GPC5: variants seen among roughly 807,000 people sequenced by gnomAD.
GPC5 encodes the protein glypican-5.
In GPC5, 47 loss-of-function variants were observed where a neutral mutation model predicts 53.9. The observed-to-expected ratio is 0.87, with a 90% CI of 0.69 to 1.11. The LOEUF (loss-of-function observed/expected upper bound fraction) is 1.11. Among genes scored for constraint, GPC5 ranks in the 50% most tolerant of loss-of-function variants. GPC5 has a pLI of 0.00. For missense variants in GPC5, 748 were observed against 713.1 expected (o/e 1.05, Z -0.56); for synonymous variants, 286 against 263.3 (o/e 1.09, Z -0.84).
intron 2 of GPC5, among the ~76,000 whole-genome samples, chr13:91,555,881 C>T (rs983129793): frequency 6.6e-6 from 1 of 152,018 alleles, no homozygotes; most frequent in African/African-American, 2.4e-5. Context: ...ATGGGGGAAA[C>T]CGCCCCCGTG....
intron 6 of GPC5, among the ~76,000 whole-genome samples, chr13:91,926,138 G>A (rs2039765089): frequency 6.6e-6 from 1 of 151,962 alleles, no homozygotes; most frequent in African/African-American, 2.4e-5. Context: ...GAGGCAGGCG[G>A]ATCACGAGGT....
rs74105030 is a variant in GPC5, at chr13:91,514,039, A to G, written c.325+65117A>G. 6.5e-3 allele frequency among the ~76,000 whole-genome samples: 995 copies of G among 152,288 alleles called. 10 individuals carry two copies. The highest frequency in any genetic ancestry group is 0.023 in the African/African-American group (965 of 41,564). On this transcript the variant is annotated intron_variant, in intron 2 of 7. Transcript: ENST00000377067. ...TAGATACATCACTTTTCGTTTAACCATTCACCTGTAAAAAGCCATCTGGGT... is the reference window on the plus strand; with the variant it reads ...TAGATACATCACTTTTCGTTTAACCGTTCACCTGTAAAAAGCCATCTGGGT...
At chr13:91,678,405 T>C (rs999088292) in intron 2 of GPC5, among the ~76,000 whole-genome samples, 2 of 152,188 alleles carry the variant, frequency 1.3e-5, no homozygotes, top group African/African-American at 4.8e-5. Context: ...ATTTTTGTGT[T>C]GCCTAATGAA....
At chr13:92,563,948 T>C (rs1311792866) in intron 7 of GPC5, among the ~76,000 whole-genome samples, 2 of 151,724 alleles carry the variant, frequency 1.3e-5, no homozygotes, top group African/African-American at 2.4e-5. Flanking sequence ...ATCCATTAAT[T>C]ACTCATCAAC....
intron 5 of GPC5, among the ~76,000 whole-genome samples, chr13:91,835,708 G>A (rs552877435): frequency 1.3e-5 from 2 of 152,014 alleles, no homozygotes; most frequent in Non-Finnish European, 1.5e-5. Context: ...CACAGGGAGG[G>A]GAACATCATA....
At chr13:92,528,474 A>G (rs1347790739) in intron 7 of GPC5, among the ~76,000 whole-genome samples, 1 of 152,008 alleles carries the variant, frequency 6.6e-6, no homozygotes, top group East Asian at 1.9e-4. Flanking sequence ...TTTTTTTATT[A>G]TGGGATACAA....
intron 2 of GPC5, among the ~76,000 whole-genome samples, chr13:91,591,897 G>A (rs2032814025): frequency 6.6e-6 from 1 of 152,172 alleles, no homozygotes; most frequent in Non-Finnish European, 1.5e-5. Flanking sequence ...GAATCTTTAT[G>A]AGCTTCCTTG....
At chr13:92,769,030 TTTC>T (rs1316010843) in intron 7 of GPC5, among the ~76,000 whole-genome samples, 2 of 152,200 alleles carry the variant, frequency 1.3e-5, no homozygotes, top group Non-Finnish European at 1.5e-5. Context: ...TCATAAAATC[TTTC>T]TTCTTACAGA....
At chr13:91,856,215 A>T (rs1233937264) in intron 5 of GPC5, among the ~76,000 whole-genome samples, 1 of 151,492 alleles carries the variant, frequency 6.6e-6, no homozygotes, top group Non-Finnish European at 1.5e-5. Context: ...ATTTAAAAAA[A>T]CATATTTTTC....
chr13:92,380,263 T>G (rs1220598026), intron 7 of GPC5, among the ~76,000 whole-genome samples: 3 of 152,142 alleles, frequency 2.0e-5, no homozygotes, highest in Non-Finnish European at 4.4e-5. Context: ...TTCATTCGCT[T>G]GGCCCCTTGG....
At chr13:92,733,158 A>G (rs1054609333) in intron 7 of GPC5, among the ~76,000 whole-genome samples, 6 of 151,744 alleles carry the variant, frequency 4.0e-5, no homozygotes, top group Non-Finnish European at 8.8e-5. Flanking sequence ...GAAAAACTGC[A>G]GCAGATGTTA....
chr13:91,815,950 A>G (rs79242415), intron 5 of GPC5, among the ~76,000 whole-genome samples: 2,374 of 152,148 alleles, frequency 0.016, 33 homozygotes, highest in Non-Finnish European at 0.024. Context: ...AATACTGTAC[A>G]TGTTGATATA....
intron 3 of GPC5, among the ~76,000 whole-genome samples, chr13:91,722,234 G>A (rs2036489354): frequency 6.6e-6 from 1 of 152,214 alleles, no homozygotes; most frequent in East Asian, 1.9e-4. Flanking sequence ...GACTTTGAGA[G>A]AGCTCAGTCT....
intron 6 of GPC5, among the ~76,000 whole-genome samples, chr13:92,064,374 G>T (rs1016254563): frequency 1.3e-5 from 2 of 152,136 alleles, no homozygotes; most frequent in African/African-American, 4.8e-5. Flanking sequence ...AATTGGTCTG[G>T]GGTACAGGCT....
chr13:92,731,177 A>C (rs1888790935), intron 7 of GPC5, among the ~76,000 whole-genome samples: 1 of 151,516 alleles, frequency 6.6e-6, no homozygotes, highest in Non-Finnish European at 1.5e-5. Flanking sequence ...AAAACAAAAT[A>C]ATTAGAGCAG....
At chr13:91,744,649 G>C (rs2037008364) in intron 4 of GPC5, among the ~76,000 whole-genome samples, 1 of 152,168 alleles carries the variant, frequency 6.6e-6, no homozygotes, top group South Asian at 2.1e-4. Context: ...TTCATTGGCA[G>C]ATTATTAAAG....
intron 7 of GPC5, among the ~76,000 whole-genome samples, chr13:92,270,640 A>G (rs1362539333): frequency 3.9e-5 from 6 of 152,232 alleles, no homozygotes; most frequent in Non-Finnish European, 2.9e-5. Flanking sequence ...GGACTCTTAA[A>G]AATTACTCCT....
chr13:92,832,055 G>A (rs1270399654), intron 7 of GPC5, among the ~76,000 whole-genome samples: 1 of 151,664 alleles, frequency 6.6e-6, no homozygotes, highest in Non-Finnish European at 1.5e-5. Flanking sequence ...AAAAAACTGA[G>A]GCCAGGAAAT....
chr13:91,509,231 A>G (rs1885105776), intron 2 of GPC5, among the ~76,000 whole-genome samples: 1 of 151,662 alleles, frequency 6.6e-6, no homozygotes, highest in Non-Finnish European at 1.5e-5. Flanking sequence ...TTATTATTAA[A>G]TTGAAAATAT....
Sources: gnomAD v4.1 joint callset for allele counts (sites outside exome capture counted in the v4.1 genomes callset) on GRCh38, gnomAD v4.1.1 for gene constraint, MANE v1.5 for transcripts, NCBI Gene and HGNC (gene_info 2026-07-23, HGNC 2026-07-21) for gene names.